ROBO2: variants seen among roughly 807,000 people sequenced by gnomAD.
The protein encoded by ROBO2 is roundabout homolog 2.
ROBO2 carries 53 observed loss-of-function variants against 160.8 expected under a neutral mutation model. The observed-to-expected ratio is 0.33, with a 90% CI of 0.26 to 0.41. The LOEUF (loss-of-function observed/expected upper bound fraction) is 0.41, where lower values mean the gene tolerates loss of function less well. ROBO2 is among the 10% of genes least tolerant of loss of function. The pLI is 1.00. For missense variants in ROBO2, 1,577 were observed against 1,722.4 expected (o/e 0.92, Z 1.49); for synonymous variants, 664 against 611.7 (o/e 1.09, Z -1.26).
At chr3:76,098,076 C>G (rs2108142599) in intron 2 of ROBO2, among the ~76,000 whole-genome samples, 1 of 152,254 alleles carries the variant, frequency 6.6e-6, no homozygotes, top group East Asian at 1.9e-4. Flanking sequence ...GTGGTTCACT[C>G]TCTCCATACA....
chr3:77,293,747 G>A (rs555638194), intron 2 of ROBO2, among the ~76,000 whole-genome samples: 1 of 142,190 alleles, frequency 7.0e-6, no homozygotes, highest in South Asian at 2.2e-4. Flanking sequence ...GGTAAGCTGA[G>A]GCTAGATCAC....
intron 2 of ROBO2, among the ~76,000 whole-genome samples, chr3:76,635,187 C>T (rs1578745824): frequency 1.3e-5 from 2 of 152,182 alleles, no homozygotes; most frequent in South Asian, 2.1e-4. Context: ...GTCATTTCCT[C>T]TCTTTTGAAG....
chr3:76,715,251 A>C (rs1167573602), intron 2 of ROBO2, among the ~76,000 whole-genome samples: 3 of 152,182 alleles, frequency 2.0e-5, no homozygotes, highest in Non-Finnish European at 4.4e-5. Context: ...GAAAAAAGTT[A>C]ATAATCTTCC....
At chr3:76,494,067 A>G (rs1390076296) in intron 2 of ROBO2, among the ~76,000 whole-genome samples, 1 of 152,002 alleles carries the variant, frequency 6.6e-6, no homozygotes, top group Non-Finnish European at 1.5e-5. Context: ...CACCAACCAC[A>G]ATGGCTGATA....
intron 23 of ROBO2, chr3:77,632,656 G>T: frequency 6.5e-7 from 1 of 1,532,960 alleles, no homozygotes; most frequent in Non-Finnish European, 8.7e-7. Flanking sequence ...TACAAGAACA[G>T]GTTGGTAGAC....
chr3:77,413,076 G>A (rs1377785003), intron 2 of ROBO2, among the ~76,000 whole-genome samples: 2 of 152,036 alleles, frequency 1.3e-5, no homozygotes, highest in Non-Finnish European at 2.9e-5. Flanking sequence ...AATATCTAGT[G>A]AGTACAGGCT....
intron 1 of ROBO2, among the ~76,000 whole-genome samples, chr3:75,912,317 A>G (rs1406310416): frequency 6.6e-6 from 1 of 152,202 alleles, no homozygotes; most frequent in Non-Finnish European, 1.5e-5. Context: ...TTTGATTTAA[A>G]TAGTTTTCTA....
chr3:77,281,340 T>C (rs2060225166), intron 2 of ROBO2, among the ~76,000 whole-genome samples: 1 of 152,174 alleles, frequency 6.6e-6, no homozygotes, highest in South Asian at 2.1e-4. Flanking sequence ...ACTTGCTTTT[T>C]AAAAAACTAT....
chr3:76,289,516 T>G (rs1165966737), intron 2 of ROBO2, among the ~76,000 whole-genome samples: 2 of 152,200 alleles, frequency 1.3e-5, no homozygotes, highest in Non-Finnish European at 2.9e-5. Context: ...TTTTCAATTA[T>G]GGTTTTCTTT....
chr3:77,499,258 T>C (rs1354732601), intron 5 of ROBO2, among the ~76,000 whole-genome samples: 1 of 152,240 alleles, frequency 6.6e-6, no homozygotes, highest in Non-Finnish European at 1.5e-5. Context: ...ACTAGGAATG[T>C]GATCTTGAAG....
At chr3:77,292,681 ACGGGTAAGC>A in intron 2 of ROBO2, among the ~76,000 whole-genome samples, 1 of 150,138 alleles carries the variant, frequency 6.7e-6, no homozygotes, top group South Asian at 2.1e-4. Flanking sequence ...TGACGGTTAA[ACGGGTAAGC>A]TGAGGCTAGA....
At chr3:76,485,050 G>T (rs564809306) in intron 2 of ROBO2, among the ~76,000 whole-genome samples, 55 of 152,170 alleles carry the variant, frequency 3.6e-4, no homozygotes, top group African/African-American at 1.2e-3. Flanking sequence ...CCAAAGACCA[G>T]TTTTAAGGAA....
intron 2 of ROBO2, among the ~76,000 whole-genome samples, chr3:75,960,798 GA>G (rs1053293382): frequency 2.0e-5 from 3 of 150,768 alleles, no homozygotes; most frequent in East Asian, 2.0e-4. Flanking sequence ...ATTTCTAAAA[GA>G]AAAAAAGAGA....
chr3:77,386,980 T>G (rs1560693111), intron 2 of ROBO2, among the ~76,000 whole-genome samples: 1 of 152,150 alleles, frequency 6.6e-6, no homozygotes, highest in South Asian at 2.1e-4. Flanking sequence ...ATTTCTGACT[T>G]ATTTATGAAA....
intron 22 of ROBO2, among the ~76,000 whole-genome samples, chr3:77,621,235 A>C (rs2094893466): frequency 6.6e-6 from 1 of 152,132 alleles, no homozygotes; most frequent in African/African-American, 2.4e-5. Flanking sequence ...AGACCAACCT[A>C]GACAACATAG....
intron 2 of ROBO2, among the ~76,000 whole-genome samples, chr3:76,448,293 G>A (rs1276395501): frequency 1.3e-5 from 2 of 151,956 alleles, no homozygotes; most frequent in Non-Finnish European, 2.9e-5. Flanking sequence ...TGAGAGAACA[G>A]CTCTCTGTAC....
intron 2 of ROBO2, among the ~76,000 whole-genome samples, chr3:76,359,673 T>C (rs1370729560): frequency 1.3e-5 from 2 of 152,150 alleles, no homozygotes; most frequent in East Asian, 3.9e-4. Context: ...TACTCTTTGG[T>C]ATTGTTACTG....
intron 2 of ROBO2, among the ~76,000 whole-genome samples, chr3:77,360,260 C>A (rs188459991): frequency 4.0e-5 from 6 of 151,216 alleles, no homozygotes; most frequent in African/African-American, 9.7e-5. Flanking sequence ...CAACCCCCCC[C>A]CCAAATTTAG....
At chr3:77,029,669 T>G (rs2063190864) in intron 2 of ROBO2, among the ~76,000 whole-genome samples, 1 of 152,224 alleles carries the variant, frequency 6.6e-6, no homozygotes, top group Admixed American at 6.5e-5. Context: ...TCTTCTAAGA[T>G]GTTCATGGTA....
Sources: gnomAD v4.1 joint callset for allele counts (sites outside exome capture counted in the v4.1 genomes callset) on GRCh38, gnomAD v4.1.1 for gene constraint, MANE v1.5 for transcripts, NCBI Gene and HGNC (gene_info 2026-07-23, HGNC 2026-07-21) for gene names.